The following COCH variants were observed in gnomAD, a reference collection of about 807,000 sequenced individuals.
COCH encodes cochlin.
In COCH, 40 loss-of-function variants were observed where a neutral mutation model predicts 54.8. The observed-to-expected ratio is 0.73, with a 90% CI of 0.57 to 0.95. COCH has a LOEUF of 0.95. Ranked by LOEUF, COCH falls within the 40% of genes least tolerant of loss-of-function variation. The probability of loss-of-function intolerance (pLI) is 0.00; values close to 1 mark genes in which losing one functional copy is unlikely to be tolerated. For missense variants in COCH, 605 were observed against 675.0 expected (o/e 0.90, Z 1.15); for synonymous variants, 256 against 237.9 (o/e 1.08, Z -0.70).
chr14:30,884,520 C>A, intron 8 of COCH, 33 bp from the exon 9 acceptor site: 1 of 1,436,750 alleles, frequency 7.0e-7, no homozygotes, highest in South Asian at 1.1e-5. Context: ...CTTTTTAATT[C>A]TCCCTGAATA....
rs900214308 is a variant in COCH, at chr14:30,884,926, G to A, written c.733+270G>A. ...ATTGACTAGATATAACATTGGAGAAGTATCTCTTTGTAATGCTAAAAAGAA... is the reference window on the plus strand; with the variant it reads ...ATTGACTAGATATAACATTGGAGAAATATCTCTTTGTAATGCTAAAAAGAA... On this transcript the variant is annotated intron_variant, in intron 9 of 11. Coordinates refer to ENST00000396618, the MANE Select transcript of COCH (RefSeq NM_004086.3). The A allele has an allele frequency of 9.4e-6, 15 of 1,596,944 alleles. No homozygotes were observed. In the African/African-American group the frequency reaches 1.2e-4, roughly 13 times the overall value.
In COCH at chr14:30,889,693, T is replaced by A; in HGVS notation, c.1555T>A (p.Ser519Thr). Residue 519 changes from serine (S) to threonine (T), a missense_variant, in exon 12 of 12, where the codon TCT (serine) becomes ACT (threonine). By Grantham distance (58) the Ser-to-Thr change is moderately conservative. Transcript: ENST00000396618. ...LKDMASKPKE[S>T]HAFFTREFTG... is the part of the protein sequence containing the mutation. ...AGATATGGCTTCTAAACCGAAGGAGTCTCATGCTTTCTTCACAAGAGAGTT... is the reference window on the plus strand; with the variant it reads ...AGATATGGCTTCTAAACCGAAGGAGACTCATGCTTTCTTCACAAGAGAGTT... The A allele has an allele frequency of 6.2e-7, 1 of 1,613,828 alleles. No individual in the cohort carries two copies. Among genetic ancestry groups the A allele is most frequent in the Non-Finnish European group, 8.5e-7 (1 of 1,179,858 alleles).
chr14:30,876,903 A>G (rs1033063980), intron 3 of COCH, among the ~76,000 whole-genome samples: 1 of 152,104 alleles, frequency 6.6e-6, no homozygotes, highest in Non-Finnish European at 1.5e-5. Flanking sequence ...GGCTCAAGCA[A>G]TCCTCCCACC....
intron 9 of COCH, 105 bp downstream of exon 9, chr14:30,884,761 C>T (rs1895723879): frequency 7.8e-7 from 1 of 1,281,844 alleles, no homozygotes; most frequent in Non-Finnish European, 1.1e-6. Flanking sequence ...GTGAAATCCT[C>T]CTGGAACTGA....
intron 8 of COCH, 52 bp downstream of exon 8, chr14:30,880,786 G>T: frequency 7.6e-7 from 1 of 1,316,212 alleles, no homozygotes; most frequent in South Asian, 1.2e-5. Context: ...TTTTGTAATT[G>T]ACACATAATA....
In COCH at chr14:30,890,607, G is replaced by A. The variant is rs1205646547; in HGVS notation, c.*816G>A. 1 of 971,852 alleles carries A rather than the reference G, an allele frequency of 1.0e-6. No individual in the cohort carries two copies. Among genetic ancestry groups the A allele is most frequent in the Non-Finnish European group, 1.2e-6 (1 of 817,398 alleles). The allele number at this position is 971,852 out of a possible 1,614,324, so 60.2% of individuals were successfully genotyped here. A position where few individuals can be genotyped will look rare whatever the true frequency, so the allele number is the denominator to read the frequency against. Reference sequence around the variant, plus strand: ...ATATTTAAGCAATAAAACTGCTAGTGAGTTATTGTAAGCTGGCTTACTTTT... The same window carrying A: ...ATATTTAAGCAATAAAACTGCTAGTAAGTTATTGTAAGCTGGCTTACTTTT... On this transcript the variant is annotated 3_prime_UTR_variant, in exon 12 of 12. Transcript: ENST00000396618.
At chr14:30,878,181 A>G (rs747721852) in intron 4 of COCH, among the ~76,000 whole-genome samples, 1 of 152,206 alleles carries the variant, frequency 6.6e-6, no homozygotes, top group African/African-American at 2.4e-5. Flanking sequence ...TAATACTTCT[A>G]AAAAAATTCA....
At chr14:30,885,244 G>A in intron 9 of COCH, 150 bp from the exon 10 acceptor site, 1 of 930,472 alleles carries the variant, frequency 1.1e-6, no homozygotes, top group Non-Finnish European at 1.6e-6. Context: ...TTACAGAACT[G>A]GGTTCTATAT....
intron 3 of COCH, chr14:30,875,315 G>A (rs1044438574): frequency 1.6e-5 from 11 of 672,432 alleles, no homozygotes; most frequent in Non-Finnish European, 2.5e-5. Flanking sequence ...GGCCCCTGGG[G>A]TCCAGTGGGG....
At chr14:30,883,261 T>C (rs1895676144) in intron 8 of COCH, among the ~76,000 whole-genome samples, 1 of 152,230 alleles carries the variant, frequency 6.6e-6, no homozygotes, top group Non-Finnish European at 1.5e-5. Flanking sequence ...TTGCACATTT[T>C]AACATCCCAT....
chr14:30,875,195 A>G, intron 3 of COCH, 92 bp downstream of exon 3: 2 of 1,511,150 alleles, frequency 1.3e-6, no homozygotes, highest in Non-Finnish European at 1.8e-6. Flanking sequence ...CTTGGGCTTC[A>G]GCCCTACCGC....
At position 30,878,829 on chromosome 14, in the gene COCH, A is replaced by G; in HGVS notation, c.258A>G (p.Ser86=). 6.2e-7 allele frequency: 1 copy of G among 1,614,146 alleles called. No homozygotes were observed. Residue 86 remains serine, a synonymous_variant, in exon 5 of 12, where the codon TCA becomes TCG. Transcript: ENST00000396618. ...GTTACAGGGGAGTAATCAGCAACTC[A>G]GGGGGACCTGTACGAGTCTATAGCC... ...AAVHRGVISN[S]GGPVRVYSLP...
intron 2 of COCH, 40 bp from the exon 3 acceptor site, chr14:30,875,016 G>GT (rs1566404766): frequency 1.2e-6 from 2 of 1,612,854 alleles, no homozygotes; most frequent in Non-Finnish European, 1.7e-6. Flanking sequence ...GCTCCGCTGG[G>GT]TGGAGGCTGG....
At chr14:30,890,694 T>C (rs1895952564), downstream of COCH, 1 of 491,610 alleles carries the variant, frequency 2.0e-6, no homozygotes, top group Non-Finnish European at 2.6e-6. Flanking sequence ...CCAATCTGAA[T>C]TGTTTTTTAA....
Position 30,890,568 on chromosome 14 carries a change from A to C in COCH, c.*777A>C. 5.2e-6 allele frequency: 5 copies of C among 968,286 alleles called. No individual in the cohort carries two copies. The highest frequency in any genetic ancestry group is 6.1e-6 in the Non-Finnish European group (5 of 813,972). 60.0% of individuals were successfully genotyped at this position (968,286 alleles called of 1,614,324 possible). ...GACATTTCAAATAACTGCAGAAAAA[A>C]TATTGTAGTTTGAATATTTAAGCAA... On this transcript the variant is annotated 3_prime_UTR_variant, in exon 12 of 12. Coordinates refer to ENST00000396618, the MANE Select transcript of COCH (RefSeq NM_004086.3).
rs886050444 is a variant in COCH, at chr14:30,889,849, A to G, written c.*58A>G. The G allele has an allele frequency of 1.1e-5, 17 of 1,573,814 alleles. No individual in the cohort carries two copies. Among genetic ancestry groups the G allele is most frequent in the Non-Finnish European group, 1.1e-5 (13 of 1,157,744 alleles). On this transcript the variant is annotated 3_prime_UTR_variant, in exon 12 of 12. Transcript: ENST00000396618. ...CAAGGGGATCCAGTGTGTAAATTGT[A>G]TTCTCATAATACTGAAATGCTTTAG...
At chr14:30,892,573 G>A (rs953171882), downstream of COCH, among the ~76,000 whole-genome samples, 8 of 152,170 alleles carry the variant, frequency 5.3e-5, no homozygotes, top group Non-Finnish European at 8.8e-5. Context: ...GGAGGCCGAG[G>A]CGGGTGGATC....
chr14:30,884,941 G>T (rs752078918), intron 9 of COCH: 2 of 1,597,254 alleles, frequency 1.3e-6, no homozygotes, highest in Non-Finnish European at 1.7e-6. Flanking sequence ...TCTTTGTAAT[G>T]CTAAAAAGAA....
Position 30,886,184 on chromosome 14 carries a change from T to TAA in COCH, c.1349_1350insAA (p.Ser451IlefsTer12). Reference sequence around the variant, plus strand: ...GGTGGAACAGCTACTGGTGATGCCATTTCCTTCACTGTTAGAAATGTGTTT... The same window carrying TAA: ...GGTGGAACAGCTACTGGTGATGCCATAATTCCTTCACTGTTAGAAATGTGTTT... On this transcript the variant is annotated frameshift_variant, in exon 11 of 12. Transcript: ENST00000396618. LOFTEE classifies it high-confidence loss of function. 6.2e-7 allele frequency: 1 copy of TAA among 1,610,526 alleles called. No individual in the cohort carries two copies. Among genetic ancestry groups the TAA allele is most frequent in the Non-Finnish European group, 8.5e-7 (1 of 1,177,362 alleles).
Sources: gnomAD v4.1 joint callset for allele counts (sites outside exome capture counted in the v4.1 genomes callset) on GRCh38, gnomAD v4.1.1 for gene constraint, MANE v1.5 for transcripts, NCBI Gene and HGNC (gene_info 2026-07-23, HGNC 2026-07-21) for gene names.